Variants in PDZD2 observed in about 807,000 individuals in gnomAD.
PDZD2 encodes PDZ domain-containing protein 2.
In PDZD2, 90 loss-of-function variants were observed where a neutral mutation model predicts 220.7. The observed-to-expected ratio is 0.41, with a 90% CI of 0.34 to 0.49. The LOEUF (loss-of-function observed/expected upper bound fraction) is 0.49. PDZD2 is among the 20% of genes least tolerant of loss of function. PDZD2 has a pLI of 0.28. For synonymous variants in PDZD2, 1,375 were observed against 1,450.5 expected (o/e 0.95, Z 1.18); for missense variants, 3,174 against 3,608.5 (o/e 0.88, Z 3.08).
intron 1 of PDZD2, among the ~76,000 whole-genome samples, chr5:31,707,297 TTTA>T (rs1366252975): frequency 3.0e-5 from 4 of 134,782 alleles, no homozygotes; most frequent in African/African-American, 1.2e-4. Context: ...GAACTTAAAG[TTTA>T]ATAAATAAAT....
chr5:32,085,884 G>A (rs1167070867), intron 19 of PDZD2, among the ~76,000 whole-genome samples: 2 of 149,950 alleles, frequency 1.3e-5, no homozygotes, highest in East Asian at 4.0e-4. Flanking sequence ...TGTAAAAAAT[G>A]TCATTGGAAT....
intron 6 of PDZD2, among the ~76,000 whole-genome samples, chr5:32,031,741 C>T (rs1755136517): frequency 6.6e-6 from 1 of 152,184 alleles, no homozygotes; most frequent in Non-Finnish European, 1.5e-5. Context: ...TAAACCTTAC[C>T]TATATTCTTA....
intron 1 of PDZD2, among the ~76,000 whole-genome samples, chr5:31,673,908 T>G (rs1159965218): frequency 6.6e-6 from 1 of 152,054 alleles, no homozygotes; most frequent in Non-Finnish European, 1.5e-5. Flanking sequence ...GAGGCAGAGT[T>G]TGCAGTGAGC....
chr5:31,940,422 C>T (rs866495640), intron 2 of PDZD2, among the ~76,000 whole-genome samples: 2 of 152,182 alleles, frequency 1.3e-5, no homozygotes, highest in Admixed American at 1.3e-4. Context: ...CCCTGTACCA[C>T]GAGTCAGGCC....
At chr5:31,692,314 G>C (rs1008089984) in intron 1 of PDZD2, among the ~76,000 whole-genome samples, 9 of 152,186 alleles carry the variant, frequency 5.9e-5, no homozygotes, top group African/African-American at 1.9e-4. Flanking sequence ...CGCAAGCACC[G>C]GGCGCGGCCC....
At chr5:31,919,355 T>C (rs1199590356) in intron 2 of PDZD2, among the ~76,000 whole-genome samples, 1 of 82,798 alleles carries the variant, frequency 1.2e-5, no homozygotes, top group Non-Finnish European at 2.1e-5. Context: ...CTCATTGTCT[T>C]GTCTTTTTTT....
intron 3 of PDZD2, among the ~76,000 whole-genome samples, chr5:31,988,725 T>G (rs569417241): frequency 2.8e-4 from 42 of 152,274 alleles, no homozygotes; most frequent in African/African-American, 9.1e-4. Flanking sequence ...ATTCCCTGAT[T>G]TGGAGTGAAT....
At chr5:31,868,252 C>T (rs978832176) in intron 2 of PDZD2, among the ~76,000 whole-genome samples, 1 of 152,176 alleles carries the variant, frequency 6.6e-6, no homozygotes, top group African/African-American at 2.4e-5. Flanking sequence ...CAAGGCCAGC[C>T]TAGCCAACAT....
chr5:31,772,859 C>T (rs1752415031), intron 1 of PDZD2, among the ~76,000 whole-genome samples: 1 of 151,126 alleles, frequency 6.6e-6, no homozygotes, highest in Admixed American at 6.6e-5. Flanking sequence ...TGCAGCTCAA[C>T]TGAGTAACTG....
At chr5:31,906,029 A>T (rs932059282) in intron 2 of PDZD2, among the ~76,000 whole-genome samples, 29 of 145,514 alleles carry the variant, frequency 2.0e-4, no homozygotes, top group African/African-American at 7.0e-4. Context: ...TATTTTTATT[A>T]TTATTTTTTT....
intron 2 of PDZD2, among the ~76,000 whole-genome samples, chr5:31,846,080 ATGG>A (rs1181253388): frequency 6.6e-6 from 1 of 152,080 alleles, no homozygotes; most frequent in African/African-American, 2.4e-5. Context: ...ACTATGTCAA[ATGG>A]TTCAGCCCCT....
intron 2 of PDZD2, among the ~76,000 whole-genome samples, chr5:31,833,662 A>AG (rs61620757): frequency 1.3e-5 from 2 of 150,946 alleles, no homozygotes; most frequent in African/African-American, 4.9e-5. Flanking sequence ...AAAAGAAAAG[A>AG]AAAAAGAAAC....
At position 32,067,992 on chromosome 5, in the gene PDZD2, C is replaced by T. The variant is rs77137275; in HGVS notation, c.2452-1577C>T. 7.2e-5 allele frequency among the ~76,000 whole-genome samples: 11 copies of T among 152,300 alleles called. No homozygotes were observed. The East Asian group carries it at 2.1e-3, about 29-fold the overall frequency. ...TCTCAAACTGTTTCTTCACAGATTACTCATTAATGACTGAAAAAAATTCCA... is the reference window on the plus strand; with the variant it reads ...TCTCAAACTGTTTCTTCACAGATTATTCATTAATGACTGAAAAAAATTCCA... On this transcript the variant is annotated intron_variant, in intron 14 of 24. Coordinates refer to ENST00000438447, the MANE Select transcript of PDZD2 (RefSeq NM_178140.4).
chr5:31,719,969 C>A (rs1748689532), intron 1 of PDZD2, among the ~76,000 whole-genome samples: 1 of 152,216 alleles, frequency 6.6e-6, no homozygotes, highest in African/African-American at 2.4e-5. Flanking sequence ...CAGAATTGGC[C>A]TGGAAGCAAA....
chr5:32,000,224 A>G lies in PDZD2; in HGVS notation c.1207A>G (p.Ile403Val), dbSNP rs1751991533. ...VGLSHEEAVA[I>V]LRSATGMVQL... ...GCTCTCCCACGAGGAAGCAGTGGCCATTCTTCGCTCCGCCACGGGAATGGT... is the reference window on the plus strand; with the variant it reads ...GCTCTCCCACGAGGAAGCAGTGGCCGTTCTTCGCTCCGCCACGGGAATGGT... The change falls in exon 5 of 25, where the codon ATT becomes GTT. Residue 403 changes from isoleucine to valine, a missense_variant. Ile to Val is a conservative substitution (Grantham distance 29). This residue lies in a region of PDZD2 where 632 missense variants were observed against 708.1 expected (regional missense o/e 0.89). Coordinates refer to ENST00000438447, the MANE Select transcript of PDZD2 (RefSeq NM_178140.4). The surrounding 1 kb of genome is among the most constrained non-coding windows in gnomAD (Gnocchi z 4.5). The G allele has an allele frequency of 1.2e-6, 2 of 1,614,040 alleles. No individual in the cohort carries two copies. The highest frequency in any genetic ancestry group is 1.3e-5 in the African/African-American group (1 of 74,934).
intron 2 of PDZD2, among the ~76,000 whole-genome samples, chr5:31,859,904 C>T (rs2150310626): frequency 6.6e-6 from 1 of 152,204 alleles, no homozygotes; most frequent in East Asian, 1.9e-4. Flanking sequence ...TTGCTGGGGC[C>T]CCGGGTAGTT....
At chr5:31,783,829 T>G (rs1753206530) in intron 1 of PDZD2, among the ~76,000 whole-genome samples, 1 of 152,018 alleles carries the variant, frequency 6.6e-6, no homozygotes, top group African/African-American at 2.4e-5. Flanking sequence ...TACAAAGAAG[T>G]TTTATTTTTT....
At chr5:32,059,650 A>G (rs1739494466) in intron 13 of PDZD2, among the ~76,000 whole-genome samples, 1 of 152,220 alleles carries the variant, frequency 6.6e-6, no homozygotes, top group South Asian at 2.1e-4. Context: ...ACAGATATCT[A>G]TGATTAGCTC....
At chr5:31,665,360 C>G (rs376300002) in intron 1 of PDZD2, among the ~76,000 whole-genome samples, 124 of 152,312 alleles carry the variant, frequency 8.1e-4, no homozygotes, top group African/African-American at 2.9e-3. Flanking sequence ...GCGTGGAAAG[C>G]ATTCCCCCAA....
Sources: allele counts gnomAD v4.1 joint callset (sites outside exome capture counted in the v4.1 genomes callset), GRCh38; gene constraint gnomAD v4.1.1; regional missense constraint gnomAD v4.1.1; non-coding constraint Gnocchi (gnomAD v3.1); transcripts MANE v1.5; gene names NCBI Gene and HGNC (gene_info 2026-07-23, HGNC 2026-07-21).